PRDM5: variants seen among roughly 807,000 people sequenced by gnomAD.
PRDM5 encodes PR domain zinc finger protein 5.
PRDM5 carries 56 observed loss-of-function variants against 81.2 expected under a neutral mutation model. That is an observed-to-expected ratio of 0.69 (90% CI 0.56 to 0.86). The LOEUF is 0.86. Ranked by LOEUF, PRDM5 falls within the 40% of genes least tolerant of loss-of-function variation. The pLI, the probability that PRDM5 is intolerant of heterozygous loss-of-function variation, is 0.00. For missense variants in PRDM5, 697 were observed against 770.1 expected, an observed-to-expected ratio of 0.91 and a Z score of 1.12; for synonymous variants, 267 against 256.4, an observed-to-expected ratio of 1.04 and a Z score of -0.39.
In PRDM5 at chr4:120,799,150, C is replaced by CT. The variant is rs368083173; in HGVS notation, c.1030+510dup. Among the ~76,000 whole-genome samples the CT allele has an allele frequency of 8.6e-3, 1,309 of 152,132 alleles. 21 individuals are homozygous for CT. Among genetic ancestry groups the CT allele is most frequent in the African/African-American group, 0.03 (1,240 of 41,494 alleles). On this transcript the variant is annotated intron_variant, in intron 9 of 15. Coordinates refer to ENST00000264808, the MANE Select transcript of PRDM5 (RefSeq NM_018699.4). ...TAGTAAAACAGAGCTATTCATAAGA[C>CT]TTGCTTAAATGAAACTACCGCTTTA...
At chr4:120,757,192 CTGTTA>C (rs1744868718) in intron 13 of PRDM5, among the ~76,000 whole-genome samples, 1 of 152,278 alleles carries the variant, frequency 6.6e-6, no homozygotes, top group Admixed American at 6.5e-5. Context: ...ATTTTACCTA[CTGTTA>C]TAATATAGGA....
At chr4:120,691,482 G>A (rs182800274), downstream of PRDM5, among the ~76,000 whole-genome samples, 1 of 152,038 alleles carries the variant, frequency 6.6e-6, no homozygotes, top group African/African-American at 2.4e-5. Context: ...ACATCAAAAT[G>A]ATAAACATAA....
chr4:120,910,567 A>G (rs141321271), intron 1 of PRDM5, among the ~76,000 whole-genome samples: 10 of 152,318 alleles, frequency 6.6e-5, no homozygotes, highest in African/African-American at 2.4e-4. Flanking sequence ...CTTCAGTATA[A>G]GCCTCTTCTA....
chr4:120,891,189 A>G (rs928733412), intron 2 of PRDM5, among the ~76,000 whole-genome samples: 1 of 152,102 alleles, frequency 6.6e-6, no homozygotes, highest in Non-Finnish European at 1.5e-5. Flanking sequence ...TAGGCTTTTT[A>G]TTACTGATTC....
At chr4:120,844,111 T>C in intron 3 of PRDM5, among the ~76,000 whole-genome samples, 1 of 152,034 alleles carries the variant, frequency 6.6e-6, no homozygotes, top group South Asian at 2.1e-4. Flanking sequence ...GTCTCTTGAG[T>C]AGTGGATAAT....
chr4:120,920,125 C>G (rs1193262599), intron 1 of PRDM5, among the ~76,000 whole-genome samples: 2 of 152,178 alleles, frequency 1.3e-5, no homozygotes, highest in Admixed American at 1.3e-4. Flanking sequence ...GTACCACCAG[C>G]AAGAAAATCC....
chr4:120,916,076 A>G (rs893655092), intron 1 of PRDM5, among the ~76,000 whole-genome samples: 6 of 152,312 alleles, frequency 3.9e-5, no homozygotes, highest in African/African-American at 1.2e-4. Flanking sequence ...ATATGATACC[A>G]GACAGAAACT....
chr4:120,901,482 A>C (rs866906788), intron 2 of PRDM5, among the ~76,000 whole-genome samples: 18 of 152,350 alleles, frequency 1.2e-4, no homozygotes, highest in African/African-American at 4.1e-4. Context: ...AACTTTTTAA[A>C]TGCCATTAAG....
chr4:120,854,247 A>G (rs1045196698), intron 2 of PRDM5, among the ~76,000 whole-genome samples: 5 of 152,040 alleles, frequency 3.3e-5, no homozygotes, highest in African/African-American at 1.2e-4. Flanking sequence ...ACATTCTTGA[A>G]CCCAAGTTAC....
chr4:120,838,614 C>G (rs996992796), intron 3 of PRDM5: 1 of 152,234 alleles, frequency 6.6e-6, no homozygotes, highest in African/African-American at 2.4e-5. Flanking sequence ...AACTGTTCCA[C>G]CTCAGATCAC....
At position 120,726,014 on chromosome 4, in the gene PRDM5, A is replaced by C. The variant is rs531242702; in HGVS notation, c.1624-15601T>G. On this transcript the variant is annotated intron_variant, in intron 14 of 15. Coordinates refer to ENST00000264808, the MANE Select transcript of PRDM5 (RefSeq NM_018699.4). ...TCTAGCTAGCCCTTTCCCATCACAC[A>C]CTGCCCCACTGCGAAGAGTGGCTGC... Among the ~76,000 whole-genome samples, 12 of 152,150 alleles carry C rather than the reference A, an allele frequency of 7.9e-5. No individual in the cohort carries two copies. In the East Asian group the frequency reaches 1.7e-3, roughly 22 times the overall value.
At chr4:120,706,393 T>C (rs1736149870) in intron 15 of PRDM5, among the ~76,000 whole-genome samples, 1 of 152,120 alleles carries the variant, frequency 6.6e-6, no homozygotes, top group African/African-American at 2.4e-5. Context: ...AAAAGAGGTG[T>C]CCAACATGAG....
intron 11 of PRDM5, among the ~76,000 whole-genome samples, chr4:120,782,464 A>G (rs1749177770): frequency 6.6e-6 from 1 of 152,096 alleles, no homozygotes; most frequent in Non-Finnish European, 1.5e-5. Context: ...GAAGGGAGGG[A>G]GGGACAAAAA....
At chr4:120,808,048 A>G (rs189738726) in intron 8 of PRDM5, among the ~76,000 whole-genome samples, 25 of 152,298 alleles carry the variant, frequency 1.6e-4, no homozygotes, top group African/African-American at 6.0e-4. Context: ...TGAGTGTTAC[A>G]GCTCATAAAG....
intron 14 of PRDM5, 122 bp from the exon 15 acceptor site, chr4:120,710,535 T>C (rs1736813754): frequency 3.7e-6 from 3 of 816,000 alleles, no homozygotes; most frequent in Non-Finnish European, 6.2e-6. Flanking sequence ...GGTATGCTGA[T>C]ATGGTTTGGC....
chr4:120,821,039 G>T, intron 4 of PRDM5, 132 bp downstream of exon 4: 1 of 1,098,154 alleles, frequency 9.1e-7, no homozygotes, highest in Non-Finnish European at 1.4e-6. Flanking sequence ...ATACCCTCGA[G>T]AATAATTTTG....
At chr4:120,751,404 A>G (rs1437716807) in intron 14 of PRDM5, among the ~76,000 whole-genome samples, 2 of 152,182 alleles carry the variant, frequency 1.3e-5, no homozygotes, top group South Asian at 4.1e-4. Flanking sequence ...CAAAAATTGA[A>G]TACGGCACTC....
At chr4:120,861,770 C>A (rs1261143695) in intron 2 of PRDM5, among the ~76,000 whole-genome samples, 1 of 151,194 alleles carries the variant, frequency 6.6e-6, no homozygotes. Flanking sequence ...TGCACTCCAG[C>A]CTAGGTGAAG....
Position 120,825,966 on chromosome 4 carries a change from T to C in PRDM5, c.301-4621A>G, listed in dbSNP as rs1000566703. ...GAGAGTCCTGGGCAAACTAGGATAG[T>C]TGGATACCTAACTACACCCATCATG... On this transcript the variant is annotated intron_variant, in intron 3 of 15. Transcript: ENST00000264808. Among the ~76,000 whole-genome samples the C allele has an allele frequency of 3.7e-4, 57 of 152,090 alleles. 1 individual carries two copies. Among genetic ancestry groups the C allele is most frequent in the Admixed American group, 2.9e-3 (44 of 15,254 alleles).
Sources: allele counts gnomAD v4.1 joint callset (sites outside exome capture counted in the v4.1 genomes callset), GRCh38; gene constraint gnomAD v4.1.1; transcripts MANE v1.5; gene names NCBI Gene and HGNC (gene_info 2026-07-23, HGNC 2026-07-21).